The following UGT1A10 variants were observed in gnomAD, a reference collection of about 807,000 sequenced individuals.
UGT1A10 encodes UDP glucuronosyltransferase family 1 member A10.
In UGT1A10, 49 loss-of-function variants were observed where a neutral mutation model predicts 45.8. The observed-to-expected ratio is 1.07, with a 90% CI of 0.85 to 1.36. The LOEUF (loss-of-function observed/expected upper bound fraction) is 1.36, where lower values mean the gene tolerates loss of function less well. UGT1A10 is among the 40% of genes most tolerant of loss of function. The pLI, the probability that UGT1A10 is intolerant of heterozygous loss-of-function variation, is 0.00. For missense variants in UGT1A10, 745 were observed against 668.6 expected (o/e 1.11, Z -1.26); for synonymous variants, 284 against 249.7 (o/e 1.14, Z -1.29).
intron 1 of UGT1A10, among the ~76,000 whole-genome samples, chr2:233,644,792 A>T (rs2073556005): frequency 6.6e-6 from 1 of 151,816 alleles, no homozygotes; most frequent in African/African-American, 2.4e-5. Context: ...CTATTTCTTC[A>T]GTGTCTCTGA....
At chr2:233,728,783 A>G (rs1324632843) in intron 1 of UGT1A10, among the ~76,000 whole-genome samples, 1 of 152,246 alleles carries the variant, frequency 6.6e-6, no homozygotes, top group East Asian at 1.9e-4. Flanking sequence ...CCTGATAAAC[A>G]TGGTTAACAG....
chr2:233,670,700 C>A (rs1180684097), intron 1 of UGT1A10, among the ~76,000 whole-genome samples: 1 of 152,254 alleles, frequency 6.6e-6, no homozygotes, highest in African/African-American at 2.4e-5. Flanking sequence ...TATCCCCCAC[C>A]TTTTGTTGCT....
Position 233,759,383 on chromosome 2 carries a change from T to C in UGT1A10, c.856-7651T>C, listed in dbSNP as rs370369012. Among the ~76,000 whole-genome samples, 14 of 152,308 alleles carry C rather than the reference T, an allele frequency of 9.2e-5. No homozygotes were observed. The East Asian group carries it at 2.7e-3, about 29-fold the overall frequency. ...TATAAAAAGGTACAGGTTTTCAGGA[T>C]ACTCAGAGTAACCGTGTGACCTGTA... On this transcript the variant is annotated intron_variant, in intron 1 of 4. Coordinates refer to ENST00000344644, the MANE Select transcript of UGT1A10 (RefSeq NM_019075.4).
intron 1 of UGT1A10, chr2:233,743,701 C>A (rs13009407): frequency 2.9e-6 from 4 of 1,367,150 alleles, no homozygotes; most frequent in South Asian, 2.3e-5. Context: ...CGCCCTCCGC[C>A]CCCGCCTCGC....
intron 1 of UGT1A10, among the ~76,000 whole-genome samples, chr2:233,665,133 G>T (rs1265562833): frequency 1.3e-5 from 2 of 152,126 alleles, no homozygotes; most frequent in East Asian, 1.9e-4. Flanking sequence ...TGGACATATT[G>T]TTCTTTACTT....
intron 1 of UGT1A10, among the ~76,000 whole-genome samples, chr2:233,661,127 T>G (rs2073954652): frequency 6.7e-6 from 1 of 148,218 alleles, no homozygotes; most frequent in Non-Finnish European, 1.5e-5. Flanking sequence ...AATTACTCTT[T>G]GACAAATTAT....
chr2:233,675,775 T>A (rs907912363), intron 1 of UGT1A10, among the ~76,000 whole-genome samples: 4 of 152,228 alleles, frequency 2.6e-5, no homozygotes, highest in Admixed American at 2.6e-4. Context: ...AGAAAACTTT[T>A]AAAAATAAAT....
At chr2:233,759,897 C>T (rs1697281775) in intron 1 of UGT1A10, among the ~76,000 whole-genome samples, 1 of 152,134 alleles carries the variant, frequency 6.6e-6, no homozygotes, top group Non-Finnish European at 1.5e-5. Flanking sequence ...TTCTAAAAGG[C>T]TTTCTAAAAA....
At chr2:233,664,635 C>T (rs1366705076) in intron 1 of UGT1A10, among the ~76,000 whole-genome samples, 1 of 152,118 alleles carries the variant, frequency 6.6e-6, no homozygotes, top group African/African-American at 2.4e-5. Context: ...GAGGTCCACA[C>T]ACTTGACCAT....
intron 1 of UGT1A10, among the ~76,000 whole-genome samples, chr2:233,737,681 C>T (rs2125810058): frequency 6.6e-6 from 1 of 152,268 alleles, no homozygotes; most frequent in South Asian, 2.1e-4. Context: ...TCCTATTTGG[C>T]CATTGGTGCT....
intron 1 of UGT1A10, among the ~76,000 whole-genome samples, chr2:233,676,581 A>C (rs1160046946): frequency 6.6e-6 from 1 of 152,118 alleles, no homozygotes; most frequent in Non-Finnish European, 1.5e-5. Flanking sequence ...TACCACCTGA[A>C]ATGTAGTCAT....
intron 1 of UGT1A10, chr2:233,648,440 TTTA>T (rs71058568): frequency 6.4e-6 from 1 of 156,636 alleles, no homozygotes; most frequent in Non-Finnish European, 1.4e-5. Flanking sequence ...GCTGTGACTT[TTTA>T]TTATTATTAT....
intron 1 of UGT1A10, among the ~76,000 whole-genome samples, chr2:233,641,017 AG>A (rs2073437801): frequency 6.6e-6 from 1 of 152,176 alleles, no homozygotes; most frequent in Non-Finnish European, 1.5e-5. Flanking sequence ...AGCGATCACC[AG>A]ACCCTCAGCT....
intron 1 of UGT1A10, among the ~76,000 whole-genome samples, chr2:233,725,186 A>G (rs1269507172): frequency 2.2e-4 from 19 of 86,472 alleles, no homozygotes; most frequent in Admixed American, 2.0e-4. Context: ...GGGGAGAGGC[A>G]GAGGCAGAGG....
chr2:233,713,124 C>T lies in UGT1A10; in HGVS notation c.856-53910C>T, dbSNP rs746932812. 81 of 1,614,064 alleles carry T rather than the reference C, an allele frequency of 5.0e-5. No individual in the cohort carries two copies. In the East Asian group the frequency reaches 1.0e-3, roughly 20 times the overall value. On this transcript the variant is annotated intron_variant, in intron 1 of 4. Coordinates refer to ENST00000344644, the MANE Select transcript of UGT1A10 (RefSeq NM_019075.4). ...TGATGGCAGCCACTGGCTCAGCATG[C>T]GGGAGGCCTTGCGGGACCTCCATGC...
At chr2:233,686,989 C>T (rs2074816060) in intron 1 of UGT1A10, among the ~76,000 whole-genome samples, 1 of 152,178 alleles carries the variant, frequency 6.6e-6, no homozygotes, top group Admixed American at 6.5e-5. Context: ...TACCCCAAGT[C>T]TTGGTTTCAA....
At chr2:233,684,000 A>G (rs920065917) in intron 1 of UGT1A10, among the ~76,000 whole-genome samples, 1 of 152,208 alleles carries the variant, frequency 6.6e-6, no homozygotes, top group African/African-American at 2.4e-5. Context: ...TGACAAATAC[A>G]AGAGTAAGAT....
intron 1 of UGT1A10, among the ~76,000 whole-genome samples, chr2:233,724,281 C>A (rs1325936815): frequency 1.8e-5 from 2 of 112,012 alleles, no homozygotes; most frequent in Non-Finnish European, 1.8e-5. Flanking sequence ...GCTGGCCGGG[C>A]GGGGGGCTGA....
intron 3 of UGT1A10, 45 bp downstream of exon 3, chr2:233,767,981 T>G: frequency 6.2e-7 from 1 of 1,614,178 alleles, no homozygotes; most frequent in Non-Finnish European, 8.5e-7. Flanking sequence ...AGGGTCAAAT[T>G]AAGAAAATGG....
Sources: allele counts gnomAD v4.1 joint callset (sites outside exome capture counted in the v4.1 genomes callset), GRCh38; gene constraint gnomAD v4.1.1; transcripts MANE v1.5; gene names NCBI Gene and HGNC (gene_info 2026-07-23, HGNC 2026-07-21).